The following CD99L2 variants were observed in gnomAD, a reference collection of about 807,000 sequenced individuals.
The protein encoded by CD99L2 is CD99 antigen-like protein 2.
Under a neutral mutation model 27.3 loss-of-function variants are expected in CD99L2, and 24 were observed. The observed-to-expected ratio is 0.88, with a 90% CI of 0.64 to 1.24. The LOEUF (loss-of-function observed/expected upper bound fraction) is 1.24, where lower values mean the gene tolerates loss of function less well. Among genes scored for constraint, CD99L2 ranks in the 50% most tolerant of loss-of-function variants. CD99L2 has a pLI of 0.00. For missense variants in CD99L2, 255 were observed against 221.6 expected (o/e 1.15, Z -0.96); for synonymous variants, 97 against 87.9 (o/e 1.10, Z -0.58).
At chrX:150,875,127 A>G in intron 1 of CD99L2, among the ~76,000 whole-genome samples, 1 of 111,937 alleles carries the variant, frequency 8.9e-6, no homozygotes, top group Admixed American at 9.5e-5. Context: ...TGTCTCCAGG[A>G]GGGTTGCTGA....
chrX:150,883,552 A>T (rs186177572), intron 1 of CD99L2, among the ~76,000 whole-genome samples: 422 of 111,531 alleles, frequency 3.8e-3, no homozygotes, highest in African/African-American at 0.012. Context: ...ACAAAGCGAA[A>T]ATGGTAGAAA....
intron 7 of CD99L2, among the ~76,000 whole-genome samples, chrX:150,788,159 A>T (rs1303672659): frequency 9.1e-6 from 1 of 110,132 alleles, no homozygotes; most frequent in East Asian, 2.8e-4. Context: ...AATACCAGCA[A>T]ATTGAATCCA....
intron 4 of CD99L2, among the ~76,000 whole-genome samples, chrX:150,806,410 T>G (rs2124158115): frequency 9.0e-6 from 1 of 111,550 alleles, no homozygotes; most frequent in African/African-American, 3.3e-5. Flanking sequence ...CATGCACCAC[T>G]ACGCCCAGCT....
intron 1 of CD99L2, among the ~76,000 whole-genome samples, chrX:150,871,715 C>T (rs958476229): frequency 1.8e-4 from 20 of 111,812 alleles, no homozygotes; most frequent in Middle Eastern, 4.6e-3. Context: ...TGTAATAGCT[C>T]TAAAGTGAAA....
chrX:150,888,307 A>G (rs984906274), intron 1 of CD99L2, among the ~76,000 whole-genome samples: 9 of 112,337 alleles, frequency 8.0e-5, no homozygotes, highest in African/African-American at 2.6e-4. Context: ...TGGCTGGACA[A>G]GCAAAACATG....
At chrX:150,846,464 A>G (rs2046705527) in intron 1 of CD99L2, among the ~76,000 whole-genome samples, 1 of 111,593 alleles carries the variant, frequency 9.0e-6, no homozygotes, top group Admixed American at 9.5e-5. Flanking sequence ...TTCCTCATCT[A>G]TAAAATGGAG....
intron 1 of CD99L2, among the ~76,000 whole-genome samples, chrX:150,852,589 G>A (rs930590090): frequency 7.3e-5 from 8 of 110,215 alleles, no homozygotes; most frequent in East Asian, 2.9e-4. Flanking sequence ...GGGAAAACCC[G>A]GACTCATTAA....
intron 1 of CD99L2, among the ~76,000 whole-genome samples, chrX:150,835,089 G>A (rs2124249569): frequency 9.0e-6 from 1 of 111,618 alleles, no homozygotes; most frequent in South Asian, 3.8e-4. Context: ...TGAGGGGAGG[G>A]AGAAGTATGG....
intron 1 of CD99L2, among the ~76,000 whole-genome samples, chrX:150,894,571 T>TTG (rs199941967): frequency 7.7e-4 from 77 of 99,864 alleles, no homozygotes; most frequent in East Asian, 2.9e-3. Flanking sequence ...TTCTTTTGTT[T>TTG]TGTGTGTGTG....
chrX:150,860,305 G>A (rs2046955932), intron 1 of CD99L2, among the ~76,000 whole-genome samples: 1 of 7,572 alleles, frequency 1.3e-4, no homozygotes, highest in African/African-American at 5.6e-4. Flanking sequence ...ACTAGGCATA[G>A]AAGAAACATA....
At chrX:150,855,273 TG>T (rs782322471) in intron 1 of CD99L2, among the ~76,000 whole-genome samples, 1 of 112,051 alleles carries the variant, frequency 8.9e-6, no homozygotes, top group Non-Finnish European at 1.9e-5. Flanking sequence ...ATATCCAGTG[TG>T]GCTGGTTGTA....
chrX:150,787,470 A>T (rs2045612096), intron 7 of CD99L2, among the ~76,000 whole-genome samples: 1 of 111,152 alleles, frequency 9.0e-6, no homozygotes, highest in South Asian at 3.9e-4. Flanking sequence ...AGCACCATTT[A>T]TTGAATAAAG....
At chrX:150,801,728 G>GA (rs1557420089) in intron 4 of CD99L2, among the ~76,000 whole-genome samples, 1 of 112,002 alleles carries the variant, frequency 8.9e-6, no homozygotes, top group African/African-American at 3.2e-5. Context: ...TAAACAGCAT[G>GA]AAAAATGGAA....
At chrX:150,795,514 G>A in intron 4 of CD99L2, 28 bp from the exon 5 acceptor site, 2 of 1,195,281 alleles carry the variant, frequency 1.7e-6, no homozygotes, top group South Asian at 3.6e-5. Flanking sequence ...GACAGCAAAG[G>A]GAGCACATTT....
At chrX:150,850,824 ACTT>A (rs1333556276) in intron 1 of CD99L2, among the ~76,000 whole-genome samples, 1 of 110,492 alleles carries the variant, frequency 9.1e-6, no homozygotes, top group African/African-American at 3.3e-5. Context: ...AACCAGGAGT[ACTT>A]TTTTTTCTTT....
In CD99L2 at chrX:150,890,408, G is replaced by A. The variant is rs1453805512; in HGVS notation, c.67+8114C>T. 6.3e-5 allele frequency among the ~76,000 whole-genome samples: 7 copies of A among 111,823 alleles called. No homozygotes were observed. In the Admixed American group the frequency reaches 6.7e-4, roughly 11 times the overall value. ...GCAGGAGAATCATTTGAACCCGGGA[G>A]GCGGAGGTTGCAGTGAGTCGAGATT... On this transcript the variant is annotated intron_variant, in intron 1 of 10. Transcript: ENST00000370377.
rs2043319549 is a variant in CD99L2 at position 150,766,723 on chromosome X, C to T, written c.*2311G>A. 8.9e-6 allele frequency: 1 copy of T among 112,365 alleles called. No individual in the cohort carries two copies. The highest frequency in any genetic ancestry group is 2.8e-4 in the East Asian group (1 of 3,590). The allele number at this position is 112,365 out of a possible 1,213,427, so 9.3% of individuals were successfully genotyped here. A position where few individuals can be genotyped will look rare whatever the true frequency, so the allele number is the denominator to read the frequency against. ...CTGGCCAGTGCAACCTTCAGATAGA[C>T]ACATGGTGACCAGAGCCCGCCAGGC... On this transcript the variant is annotated 3_prime_UTR_variant, in exon 11 of 11. Coordinates refer to ENST00000370377, the MANE Select transcript of CD99L2 (RefSeq NM_031462.4).
intron 3 of CD99L2, among the ~76,000 whole-genome samples, chrX:150,815,407 C>T (rs782373374): frequency 5.4e-4 from 60 of 111,948 alleles, no homozygotes; most frequent in African/African-American, 1.9e-3. Context: ...AGTGTCTCTT[C>T]GGAAGAAAGG....
Position 150,847,718 on chromosome X carries a change from CTGTT to C in CD99L2, c.68-16429_68-16426del, listed in dbSNP as rs1421060620. ...AACCTAGACCCTTTTCCTGAGTTCC[CTGTT>C]TGTTTCACTGAATGGCACAGCCACC... On this transcript the variant is annotated intron_variant, in intron 1 of 10. Coordinates refer to ENST00000370377, the MANE Select transcript of CD99L2 (RefSeq NM_031462.4). 2.7e-5 allele frequency among the ~76,000 whole-genome samples: 3 copies of C among 110,716 alleles called. No individual in the cohort carries two copies. In the East Asian group the frequency reaches 8.5e-4, roughly 31 times the overall value.
Sources: allele counts gnomAD v4.1 joint callset (sites outside exome capture counted in the v4.1 genomes callset), GRCh38; gene constraint gnomAD v4.1.1; transcripts MANE v1.5; gene names NCBI Gene and HGNC (gene_info 2026-07-23, HGNC 2026-07-21).